PARD3: variants seen among roughly 807,000 people sequenced by gnomAD.
The protein encoded by PARD3 is par-3 family cell polarity regulator.
Under a neutral mutation model 155.4 loss-of-function variants are expected in PARD3, and 75 were observed. The observed-to-expected ratio is 0.48, with a 90% confidence interval of 0.40 to 0.58. The LOEUF is 0.58. PARD3 is among the 20% of genes least tolerant of loss of function. The pLI is 0.00. For missense variants in PARD3, 1,642 were observed against 1,721.7 expected (o/e 0.95, Z 0.82); for synonymous variants, 576 against 610.5 (o/e 0.94, Z 0.83).
intron 1 of PARD3, among the ~76,000 whole-genome samples, chr10:34,790,647 A>G (rs1198429446): frequency 6.6e-6 from 1 of 152,226 alleles, no homozygotes; most frequent in Non-Finnish European, 1.5e-5. Flanking sequence ...TAAATAAGTT[A>G]TGGCTGAGTT....
chr10:34,705,490 G>GAAA (rs10635063), intron 1 of PARD3, among the ~76,000 whole-genome samples: 6 of 140,402 alleles, frequency 4.3e-5, no homozygotes, highest in Non-Finnish European at 6.2e-5. Context: ...CCTGTCTCAG[G>GAAA]AAAAAAAAAA....
At chr10:34,171,422 G>A (rs1372511034) in intron 22 of PARD3, among the ~76,000 whole-genome samples, 1 of 152,078 alleles carries the variant, frequency 6.6e-6, no homozygotes, top group African/African-American at 2.4e-5. Flanking sequence ...GATCTCTGCT[G>A]GAGCCCAAAA....
chr10:34,638,590 GCTCA>G (rs2132907721), intron 2 of PARD3, among the ~76,000 whole-genome samples: 2 of 152,278 alleles, frequency 1.3e-5, no homozygotes, highest in South Asian at 4.1e-4. Context: ...GCAGGCGCAG[GCTCA>G]CTCAGCTGCC....
chr10:34,604,270 T>C (rs1484291676), intron 2 of PARD3, among the ~76,000 whole-genome samples: 2 of 152,132 alleles, frequency 1.3e-5, no homozygotes, highest in Non-Finnish European at 2.9e-5. Flanking sequence ...GTGTGGGTGT[T>C]GCCAAAAGAG....
intron 1 of PARD3, among the ~76,000 whole-genome samples, chr10:34,703,571 CAG>C (rs2094317512): frequency 1.3e-5 from 2 of 152,054 alleles, no homozygotes; most frequent in Non-Finnish European, 2.9e-5. Flanking sequence ...ATTGGGAAAA[CAG>C]AGAAATAACC....
intron 2 of PARD3, among the ~76,000 whole-genome samples, chr10:34,595,315 A>T (rs1259116422): frequency 1.3e-5 from 2 of 152,202 alleles, no homozygotes; most frequent in African/African-American, 4.8e-5. Context: ...AGAAATTTCC[A>T]TTGCAAAATA....
chr10:34,703,927 C>T (rs1196427676), intron 1 of PARD3, among the ~76,000 whole-genome samples: 1 of 152,202 alleles, frequency 6.6e-6, no homozygotes, highest in Non-Finnish European at 1.5e-5. Flanking sequence ...AGAAATGCAA[C>T]GTTTCCAAAA....
At chr10:34,504,511 C>T (rs1242228757) in intron 3 of PARD3, among the ~76,000 whole-genome samples, 1 of 151,298 alleles carries the variant, frequency 6.6e-6, no homozygotes, top group Non-Finnish European at 1.5e-5. Flanking sequence ...ACTAATTTAC[C>T]AATCAATATA....
chr10:34,775,455 A>G (rs1226279104), intron 1 of PARD3, among the ~76,000 whole-genome samples: 2 of 152,120 alleles, frequency 1.3e-5, no homozygotes, highest in Non-Finnish European at 2.9e-5. Flanking sequence ...GGCTGCAGTG[A>G]GCTGTGATGC....
chr10:34,275,380 T>G lies in PARD3; in HGVS notation c.3177-5481A>C, dbSNP rs754659694. ...ACTACTGCCGCAAAAGGCTAACGGATCTGGTCAGTAGCCTGAACTAATGTG... is the reference window on the plus strand; with the variant it reads ...ACTACTGCCGCAAAAGGCTAACGGAGCTGGTCAGTAGCCTGAACTAATGTG... On this transcript the variant is annotated intron_variant, in intron 21 of 24. Transcript: ENST00000374788. Among the ~76,000 whole-genome samples the G allele has an allele frequency of 2.0e-5, 3 of 152,184 alleles. No homozygotes were observed. In the East Asian group the frequency reaches 5.8e-4, roughly 29 times the overall value.
intron 20 of PARD3, among the ~76,000 whole-genome samples, chr10:34,309,385 C>T (rs767288126): frequency 1.3e-5 from 2 of 151,634 alleles, no homozygotes; most frequent in Non-Finnish European, 2.9e-5. Flanking sequence ...AAAGTGAGAT[C>T]CCACCTCTAT....
chr10:34,344,493 G>T, intron 15 of PARD3: 1 of 684,754 alleles, frequency 1.5e-6, no homozygotes, highest in South Asian at 6.5e-5. Context: ...TGTTGGCCAG[G>T]CTGGTCTTAA....
chr10:34,657,490 T>C (rs1374909366), intron 2 of PARD3, among the ~76,000 whole-genome samples: 1 of 152,146 alleles, frequency 6.6e-6, no homozygotes, highest in Non-Finnish European at 1.5e-5. Flanking sequence ...ATTTTAGTAA[T>C]TAACACATCA....
chr10:34,802,823 A>C (rs1842942769), intron 1 of PARD3, among the ~76,000 whole-genome samples: 1 of 152,114 alleles, frequency 6.6e-6, no homozygotes. Flanking sequence ...CCTGGTAAAA[A>C]CAAAGGGACA....
intron 24 of PARD3, among the ~76,000 whole-genome samples, chr10:34,114,307 T>C (rs903129532): frequency 6.6e-6 from 1 of 152,158 alleles, no homozygotes; most frequent in African/African-American, 2.4e-5. Context: ...TAGGGAGGCA[T>C]CTTTTTGACC....
intron 3 of PARD3, among the ~76,000 whole-genome samples, chr10:34,498,283 T>C (rs1270180268): frequency 1.3e-5 from 2 of 152,206 alleles, no homozygotes; most frequent in Non-Finnish European, 2.9e-5. Flanking sequence ...CTGAGGGAGA[T>C]GCATAAGTGT....
At chr10:34,536,881 A>G (rs1429318451) in intron 2 of PARD3, among the ~76,000 whole-genome samples, 1 of 152,248 alleles carries the variant, frequency 6.6e-6, no homozygotes, top group African/African-American at 2.4e-5. Flanking sequence ...TTCATGACCA[A>G]AAGACTGAAA....
intron 1 of PARD3, among the ~76,000 whole-genome samples, chr10:34,788,282 C>T (rs1009095793): frequency 1.3e-5 from 2 of 152,126 alleles, no homozygotes; most frequent in Non-Finnish European, 2.9e-5. Flanking sequence ...CAAAGAAGCA[C>T]TTTGTGTGTC....
chr10:34,397,773 G>C (rs536433156), intron 7 of PARD3, among the ~76,000 whole-genome samples: 8 of 152,218 alleles, frequency 5.3e-5, no homozygotes, highest in African/African-American at 1.7e-4. Flanking sequence ...CTCAAAGCTG[G>C]TACAGACACA....
Sources: allele counts gnomAD v4.1 joint callset (sites outside exome capture counted in the v4.1 genomes callset), GRCh38; gene constraint gnomAD v4.1.1; transcripts MANE v1.5; gene names NCBI Gene and HGNC (gene_info 2026-07-23, HGNC 2026-07-21).